The following ACTL8 variants were observed in gnomAD, a reference collection of about 807,000 sequenced individuals.
ACTL8 encodes actin-like protein 8.
In ACTL8, 3 loss-of-function variants were observed where a neutral mutation model predicts 9.3. The observed-to-expected ratio is 0.32, with a 90% CI of 0.15 to 0.83. The LOEUF (loss-of-function observed/expected upper bound fraction) is 0.83. Ranked by LOEUF, ACTL8 falls within the 40% of genes least tolerant of loss-of-function variation. The pLI, the probability that ACTL8 is intolerant of heterozygous loss-of-function variation, is 0.57. For missense variants in ACTL8, 381 were observed against 492.2 expected, an observed-to-expected ratio of 0.77 and a Z score of 2.14; for synonymous variants, 224 against 205.9, an observed-to-expected ratio of 1.09 and a Z score of -0.75.
chr1:17,771,913 C>T (rs2066085394), intron 1 of ACTL8, among the ~76,000 whole-genome samples: 1 of 147,854 alleles, frequency 6.8e-6, no homozygotes, highest in Non-Finnish European at 1.5e-5. Flanking sequence ...TTTCTTAATT[C>T]GTGAAGTATC....
intron 1 of ACTL8, among the ~76,000 whole-genome samples, chr1:17,757,119 A>G (rs2065972937): frequency 6.6e-6 from 1 of 152,130 alleles, no homozygotes; most frequent in South Asian, 2.1e-4. Flanking sequence ...ACAGAGCAAG[A>G]CCCTAGCTCT....
intron 1 of ACTL8, among the ~76,000 whole-genome samples, chr1:17,756,084 T>A (rs1229796298): frequency 6.6e-6 from 1 of 151,232 alleles, no homozygotes; most frequent in Non-Finnish European, 1.5e-5. Flanking sequence ...TTTGTGGACT[T>A]TATTTCAGCC....
chr1:17,806,293 G>A (rs529404871), intron 1 of ACTL8, among the ~76,000 whole-genome samples: 2 of 152,344 alleles, frequency 1.3e-5, no homozygotes, highest in South Asian at 4.1e-4. Flanking sequence ...GGAGAGTAAT[G>A]TTAAGATACC....
intron 1 of ACTL8, among the ~76,000 whole-genome samples, chr1:17,757,476 A>T (rs982389699): frequency 2.2e-5 from 1 of 44,988 alleles, no homozygotes; most frequent in Admixed American, 2.0e-4. Flanking sequence ...CTCTGAGCCC[A>T]CCCCCCCCAC....
chr1:17,779,129 C>T (rs368065719), intron 1 of ACTL8, among the ~76,000 whole-genome samples: 15 of 152,284 alleles, frequency 9.9e-5, no homozygotes, highest in Admixed American at 2.0e-4. Context: ...ATGTGCTAAA[C>T]GACTCACAGG....
intron 1 of ACTL8, among the ~76,000 whole-genome samples, chr1:17,771,716 G>A (rs748892573): frequency 5.9e-5 from 9 of 152,016 alleles, no homozygotes; most frequent in Non-Finnish European, 1.0e-4. Context: ...AGACTGCCTT[G>A]GGCATAGTTG....
chr1:17,788,063 G>T (rs1177254946), intron 1 of ACTL8, among the ~76,000 whole-genome samples: 1 of 152,206 alleles, frequency 6.6e-6, no homozygotes, highest in Non-Finnish European at 1.5e-5. Context: ...TGCATCTGTG[G>T]ATCCTTTGCT....
chr1:17,784,390 G>A (rs1042878224), intron 1 of ACTL8, among the ~76,000 whole-genome samples: 1 of 152,124 alleles, frequency 6.6e-6, no homozygotes, highest in Non-Finnish European at 1.5e-5. Flanking sequence ...AGATTTGGGT[G>A]GGACACAGAG....
intron 1 of ACTL8, among the ~76,000 whole-genome samples, chr1:17,805,302 C>T (rs2066351226): frequency 6.6e-6 from 1 of 151,908 alleles, no homozygotes; most frequent in South Asian, 2.1e-4. Context: ...TCATCTTCTA[C>T]CCCTCACAAG....
intron 1 of ACTL8, among the ~76,000 whole-genome samples, chr1:17,815,151 C>T (rs2066418542): frequency 6.6e-6 from 1 of 152,178 alleles, no homozygotes; most frequent in South Asian, 2.1e-4. Flanking sequence ...TACCATACAA[C>T]CTAGGTAAGT....
At chr1:17,796,408 G>A (rs549383243) in intron 1 of ACTL8, among the ~76,000 whole-genome samples, 1 of 152,096 alleles carries the variant, frequency 6.6e-6, no homozygotes, top group Non-Finnish European at 1.5e-5. Context: ...AGGTGAGTTA[G>A]CTCATACATG....
intron 1 of ACTL8, among the ~76,000 whole-genome samples, chr1:17,816,838 G>A (rs1480055332): frequency 6.6e-6 from 1 of 152,102 alleles, no homozygotes; most frequent in Non-Finnish European, 1.5e-5. Flanking sequence ...GAGTTGCATA[G>A]GTTCCTTTTC....
In ACTL8 at chr1:17,823,212, G is replaced by A. The variant is rs1021319987; in HGVS notation, c.204G>A (p.Glu68=). 2.5e-6 allele frequency: 4 copies of A among 1,614,072 alleles called. No homozygotes were observed. The highest frequency in any genetic ancestry group is 3.4e-6 in the Non-Finnish European group (4 of 1,180,056). Residue 68 remains glutamate, a synonymous_variant, in exon 2 of 3, where the codon GAG becomes GAA. Coordinates refer to ENST00000375406, the MANE Select transcript of ACTL8 (RefSeq NM_030812.3). The surrounding 1 kb of genome is among the most constrained non-coding windows in gnomAD (Gnocchi z 5.3). ...CTGACACCTTTAGCTACCCCATCGAGCGGGGCCGCATCCTCAACTGGGAGG... is the reference window on the plus strand; with the variant it reads ...CTGACACCTTTAGCTACCCCATCGAACGGGGCCGCATCCTCAACTGGGAGG... ...CHPDTFSYPI[E]RGRILNWEGV... is the part of the protein sequence containing the mutation.
chr1:17,767,460 C>T lies in ACTL8; in HGVS notation c.-25+11956C>T, dbSNP rs931753259. Among the ~76,000 whole-genome samples the T allele has an allele frequency of 3.3e-5, 5 of 152,102 alleles. No homozygotes were observed. The highest frequency in any genetic ancestry group is 9.7e-5 in the African/African-American group (4 of 41,416). On this transcript the variant is annotated intron_variant, in intron 1 of 2. Transcript: ENST00000375406. This position sits in a 1 kb window ranked among gnomAD's most constrained non-coding sequence, Gnocchi z 4.7. ...GATATCGCTCTCTTCCCTTTCCTCCCGGACTGACGTCTGCACATCCTTCTC... is the reference window on the plus strand; with the variant it reads ...GATATCGCTCTCTTCCCTTTCCTCCTGGACTGACGTCTGCACATCCTTCTC...
rs765706861 is a variant in ACTL8, at chr1:17,823,156, C to T, written c.148C>T (p.Arg50Cys). 19 of 1,614,096 alleles carry T rather than the reference C, an allele frequency of 1.2e-5. No individual in the cohort carries two copies. Among genetic ancestry groups the T allele is most frequent in the East Asian group, 2.2e-5 (1 of 44,882 alleles). The change falls in exon 2 of 3, where the codon CGT becomes TGT. Residue 50 changes from arginine (R) to cysteine (C), a missense_variant. By Grantham distance (180) the Arg-to-Cys change is radical. Transcript: ENST00000375406. The surrounding 1 kb of genome is among the most constrained non-coding windows in gnomAD (Gnocchi z 5.3). ...ENPGPSYARR[R>C]VSLGIDICHP... ...CCCTGGCCCCAGCTATGCCCGTAGG[C>T]GTGTGAGCCTGGGCATCGACATTTG...
chr1:17,767,624 G>A lies in ACTL8; in HGVS notation c.-25+12120G>A, dbSNP rs951914871. Among the ~76,000 whole-genome samples the A allele has an allele frequency of 5.3e-5, 8 of 152,102 alleles. No homozygotes were observed. The highest frequency in any genetic ancestry group is 1.9e-4 in the African/African-American group (8 of 41,394). On this transcript the variant is annotated intron_variant, in intron 1 of 2. Transcript: ENST00000375406. This position sits in a 1 kb window ranked among gnomAD's most constrained non-coding sequence, Gnocchi z 4.7. ...TTATTTGGTGCGCAGTAAGCCCTTT[G>A]CTTTTTGGGTATTGACTGTAGATCA...
chr1:17,812,946 TTTA>T (rs1443111225), intron 1 of ACTL8, among the ~76,000 whole-genome samples: 1 of 152,248 alleles, frequency 6.6e-6, no homozygotes, highest in Non-Finnish European at 1.5e-5. Flanking sequence ...TTTTCAGCGA[TTTA>T]TTGATAGTAT....
intron 1 of ACTL8, among the ~76,000 whole-genome samples, chr1:17,759,205 G>A (rs144435196): frequency 6.6e-6 from 1 of 152,346 alleles, no homozygotes; most frequent in African/African-American, 2.4e-5. Flanking sequence ...TGCCTGCCTG[G>A]TGAAAATGGA....
intron 1 of ACTL8, among the ~76,000 whole-genome samples, chr1:17,804,262 C>T (rs183900871): frequency 7.2e-5 from 11 of 152,260 alleles, no homozygotes; most frequent in African/African-American, 1.9e-4. Flanking sequence ...CAGCTGAACA[C>T]GAGCAAATGG....
Sources: gnomAD v4.1 joint callset for allele counts (sites outside exome capture counted in the v4.1 genomes callset) on GRCh38, gnomAD v4.1.1 for gene constraint, Gnocchi (gnomAD v3.1) non-coding constraint, MANE v1.5 for transcripts, NCBI Gene and HGNC (gene_info 2026-07-23, HGNC 2026-07-21) for gene names.